ERICH5: variants seen among roughly 807,000 people sequenced by gnomAD.
The protein encoded by ERICH5 is glutamate-rich protein 5.
In ERICH5, 24 loss-of-function variants were observed where a neutral mutation model predicts 28.0. The observed-to-expected ratio is 0.86, with a 90% confidence interval of 0.62 to 1.21. The LOEUF (loss-of-function observed/expected upper bound fraction) is 1.21, where lower values mean the gene tolerates loss of function less well. ERICH5 is among the 50% of genes most tolerant of loss of function. ERICH5 has a pLI of 0.00. For synonymous variants in ERICH5, 163 were observed against 157.6 expected, an observed-to-expected ratio of 1.03 and a Z score of -0.25; for missense variants, 421 against 441.2, an observed-to-expected ratio of 0.95 and a Z score of 0.41.
chr8:98,091,548 G>A (rs916312769), intron 2 of ERICH5, among the ~76,000 whole-genome samples: 9 of 152,208 alleles, frequency 5.9e-5, no homozygotes. Flanking sequence ...GTCATACTGT[G>A]GGAGCCCAGG....
At chr8:98,079,566 T>G (rs1483167062) in intron 1 of ERICH5, among the ~76,000 whole-genome samples, 1 of 151,754 alleles carries the variant, frequency 6.6e-6, no homozygotes, top group Non-Finnish European at 1.5e-5. Context: ...TGAGATGAAG[T>G]CTCGCTCTTG....
chr8:98,080,211 A>G (rs765650669), intron 1 of ERICH5, among the ~76,000 whole-genome samples: 1 of 152,186 alleles, frequency 6.6e-6, no homozygotes, highest in Non-Finnish European at 1.5e-5. Flanking sequence ...TACACACATT[A>G]TCCACTCTGT....
At chr8:98,082,877 G>A (rs1036551729) in intron 1 of ERICH5, among the ~76,000 whole-genome samples, 7 of 152,012 alleles carry the variant, frequency 4.6e-5, no homozygotes, top group Admixed American at 2.0e-4. Context: ...TCTCAACAAC[G>A]ACAATAAAAG....
At chr8:98,066,052 C>G (rs1255869432) in intron 1 of ERICH5, among the ~76,000 whole-genome samples, 1 of 152,108 alleles carries the variant, frequency 6.6e-6, no homozygotes, top group Non-Finnish European at 1.5e-5. Context: ...AAAGTAAACC[C>G]CTTCTCACTG....
At chr8:98,077,939 G>C (rs755650477) in intron 1 of ERICH5, among the ~76,000 whole-genome samples, 13 of 152,156 alleles carry the variant, frequency 8.5e-5, no homozygotes, top group Non-Finnish European at 1.8e-4. Flanking sequence ...TTTACTTTGT[G>C]ATGATCAAAA....
intron 1 of ERICH5, among the ~76,000 whole-genome samples, chr8:98,086,471 ACTC>A (rs1306915959): frequency 1.3e-5 from 2 of 152,142 alleles, no homozygotes; most frequent in African/African-American, 2.4e-5. Context: ...TAATACGTGA[ACTC>A]CTAGGAAATG....
intron 1 of ERICH5, among the ~76,000 whole-genome samples, chr8:98,076,845 A>G (rs945929384): frequency 2.6e-5 from 4 of 152,064 alleles, no homozygotes; most frequent in African/African-American, 9.7e-5. Context: ...GGTCATGCTG[A>G]TGGTGCAGGC....
intron 1 of ERICH5, among the ~76,000 whole-genome samples, 198 bp downstream of exon 1, chr8:98,064,925 G>C (rs1050807409): frequency 7.9e-5 from 12 of 152,242 alleles, no homozygotes; most frequent in African/African-American, 2.7e-4. Flanking sequence ...CCGCGGGTGC[G>C]GCGGCCCTGG....
chr8:98,089,857 T>C lies in ERICH5; in HGVS notation c.840T>C (p.Pro280=). 1 of 1,614,194 alleles carries C rather than the reference T, an allele frequency of 6.2e-7. No individual in the cohort carries two copies. Among genetic ancestry groups the C allele is most frequent in the Non-Finnish European group, 8.5e-7 (1 of 1,180,038 alleles). The change falls in exon 2 of 3, where the codon CCT becomes CCC. Residue 280 remains proline (P), a synonymous_variant. Coordinates refer to ENST00000318528, the MANE Select transcript of ERICH5 (RefSeq NM_173549.3). ...VLDRSQLVEK[P]VMNDPFHKTP... ...ACAGAAGTCAGCTTGTGGAAAAGCC[T>C]GTTATGAATGATCCATTCCATAAAA...
At chr8:98,065,691 G>A (rs560158065) in intron 1 of ERICH5, among the ~76,000 whole-genome samples, 7 of 152,312 alleles carry the variant, frequency 4.6e-5, no homozygotes, top group Admixed American at 4.6e-4. Context: ...GATTTTGAAT[G>A]GCTAAAATTT....
chr8:98,089,148 T>G lies in ERICH5; in HGVS notation c.131T>G (p.Leu44Arg). The change falls in exon 2 of 3, where the codon CTG (leucine) becomes CGG (arginine). Residue 44 changes from leucine to arginine, a missense_variant. By Grantham distance (102) the Leu-to-Arg change is moderately radical. Transcript: ENST00000318528. ...TTTGCCCAACCAAAGCCACATGCAC[T>G]GGGAAGAGAATCTACTGTTGATGGC... ...SCFAQPKPHALGRESTVDGNV... is the reference protein window; with the variant it reads ...SCFAQPKPHARGRESTVDGNV... 1 of 1,614,208 alleles carries G rather than the reference T, an allele frequency of 6.2e-7. No homozygotes were observed. Among genetic ancestry groups the G allele is most frequent in the Non-Finnish European group, 8.5e-7 (1 of 1,180,040 alleles).
chr8:98,077,954 T>G (rs1388835922), intron 1 of ERICH5, among the ~76,000 whole-genome samples: 1 of 152,248 alleles, frequency 6.6e-6, no homozygotes, highest in East Asian at 1.9e-4. Context: ...TCAAAACGAA[T>G]TCTAGATATG....
At chr8:98,064,753 C>T in intron 1 of ERICH5, 26 bp downstream of exon 1, 1 of 1,520,988 alleles carries the variant, frequency 6.6e-7, no homozygotes, top group Admixed American at 2.0e-5. Context: ...GCGCCGCCCG[C>T]GCCCGGGCTG....
chr8:98,078,553 T>A (rs1815102831), intron 1 of ERICH5, among the ~76,000 whole-genome samples: 1 of 152,210 alleles, frequency 6.6e-6, no homozygotes, highest in African/African-American at 2.4e-5. Flanking sequence ...CCGATTAGGG[T>A]AATGAACTGA....
At chr8:98,072,585 C>G (rs112471518) in intron 1 of ERICH5, among the ~76,000 whole-genome samples, 3 of 152,272 alleles carry the variant, frequency 2.0e-5, no homozygotes, top group African/African-American at 7.2e-5. Context: ...TTGCAGTGAA[C>G]CGAGGTTGTG....
Position 98,064,722 on chromosome 8 carries a change from C to A in ERICH5, c.53C>A (p.Pro18His). Residue 18 changes from proline to histidine, a missense_variant, in exon 1 of 3, where the codon CCC (proline) becomes CAC (histidine). Pro to His is a moderately conservative substitution (Grantham distance 77, BLOSUM62 -2). Coordinates refer to ENST00000318528, the MANE Select transcript of ERICH5 (RefSeq NM_173549.3). ...LNKAGDSSRFPSVTSNEHFST... is the reference protein window; with the variant it reads ...LNKAGDSSRFHSVTSNEHFST... ...AAGGCCGGCGACAGCAGCAGGTTCC[C>A]CAGCGGTGAGCAGGGTACCGGCGCC... The A allele has an allele frequency of 6.5e-7, 1 of 1,531,974 alleles. No homozygotes were observed. Among genetic ancestry groups the A allele is most frequent in the Non-Finnish European group, 8.8e-7 (1 of 1,142,492 alleles). 94.9% of individuals were successfully genotyped at this position (1,531,974 alleles called of 1,614,324 possible). A position where few individuals can be genotyped will look rare whatever the true frequency, so the allele number is the denominator to read the frequency against.
chr8:98,075,613 C>A (rs886078561), intron 1 of ERICH5, among the ~76,000 whole-genome samples: 3 of 151,020 alleles, frequency 2.0e-5, no homozygotes, highest in African/African-American at 7.4e-5. Context: ...TCTTTCTCCT[C>A]CTGGGTCTCC....
intron 1 of ERICH5, among the ~76,000 whole-genome samples, chr8:98,073,807 T>C (rs1364699697): frequency 6.6e-6 from 1 of 151,420 alleles, no homozygotes; most frequent in African/African-American, 2.4e-5. Flanking sequence ...CCTCCCAAAG[T>C]GTTGGGATTA....
At chr8:98,064,760 G>A (rs1020393091) in intron 1 of ERICH5, 33 bp downstream of exon 1, 10 of 1,517,394 alleles carry the variant, frequency 6.6e-6, no homozygotes, top group African/African-American at 4.1e-5. Context: ...CCGCGCCCGG[G>A]CTGGGGACTC....
Sources: allele counts gnomAD v4.1 joint callset (sites outside exome capture counted in the v4.1 genomes callset), GRCh38; gene constraint gnomAD v4.1.1; transcripts MANE v1.5; gene names NCBI Gene and HGNC (gene_info 2026-07-23, HGNC 2026-07-21).